The following USP10 variants were observed in gnomAD, a reference collection of about 807,000 sequenced individuals.
USP10 encodes ubiquitin specific peptidase 10.
Under a neutral mutation model 84.5 loss-of-function variants are expected in USP10, and 22 were observed. That is an observed-to-expected ratio of 0.26 (90% CI 0.19 to 0.37). The LOEUF is 0.37. Among genes scored for constraint, USP10 ranks in the 10% least tolerant of loss-of-function variants. The pLI is 1.00. For missense variants in USP10, 1,019 were observed against 998.9 expected, an observed-to-expected ratio of 1.02 and a Z score of -0.27; for synonymous variants, 454 against 387.6, an observed-to-expected ratio of 1.17 and a Z score of -2.01.
chr16:84,742,636 T>G (rs1567620069), intron 3 of USP10, among the ~76,000 whole-genome samples: 2 of 152,218 alleles, frequency 1.3e-5, no homozygotes, highest in African/African-American at 4.8e-5. Context: ...ATTGGGTTGT[T>G]GAAGCCAAGC....
chr16:84,714,039 C>G (rs2150766897), intron 1 of USP10, among the ~76,000 whole-genome samples: 1 of 152,304 alleles, frequency 6.6e-6, no homozygotes, highest in South Asian at 2.1e-4. Flanking sequence ...AAAGGCTTTT[C>G]CTGGGCACCA....
chr16:84,761,941 AC>A (rs1365598879), intron 8 of USP10, among the ~76,000 whole-genome samples: 4 of 152,232 alleles, frequency 2.6e-5, no homozygotes, highest in Admixed American at 1.3e-4. Flanking sequence ...GCATGCACTC[AC>A]GTGAACAGCT....
chr16:84,747,442 A>G (rs1911363089), intron 4 of USP10, among the ~76,000 whole-genome samples: 2 of 152,128 alleles, frequency 1.3e-5, no homozygotes, highest in African/African-American at 4.8e-5. Flanking sequence ...TATTCCTTAT[A>G]CAAAATACAT....
chr16:84,741,562 G>C (rs1003280301), intron 3 of USP10, among the ~76,000 whole-genome samples: 1 of 152,156 alleles, frequency 6.6e-6, no homozygotes, highest in Non-Finnish European at 1.5e-5. Context: ...AGCTCCCCCA[G>C]CCTCTGGAGT....
intron 1 of USP10, among the ~76,000 whole-genome samples, chr16:84,714,045 C>T (rs1174686396): frequency 6.6e-6 from 1 of 152,176 alleles, no homozygotes; most frequent in Non-Finnish European, 1.5e-5. Context: ...TTTTCCTGGG[C>T]ACCAGAATAG....
At chr16:84,729,671 C>G (rs775586782) in intron 1 of USP10, among the ~76,000 whole-genome samples, 1 of 152,180 alleles carries the variant, frequency 6.6e-6, no homozygotes, top group East Asian at 1.9e-4. Flanking sequence ...TCGAAAGGAC[C>G]GGTTTTAAAT....
intron 12 of USP10, among the ~76,000 whole-genome samples, chr16:84,774,497 T>TTCTTAGAGACAGAG (rs77818365): frequency 6.7e-6 from 1 of 150,226 alleles, no homozygotes; most frequent in Admixed American, 6.6e-5. Flanking sequence ...GTTTGTTTTT[T>TTCTTAGAGACAGAG]TCTTGCTCTG....
At chr16:84,772,053 C>G (rs1237195246) in intron 11 of USP10, among the ~76,000 whole-genome samples, 1 of 152,000 alleles carries the variant, frequency 6.6e-6, no homozygotes. Context: ...TTTTCTTCTT[C>G]TTTTTTCTTT....
chr16:84,759,613 G>A (rs116479287), intron 6 of USP10, 141 bp downstream of exon 6: 30 of 798,184 alleles, frequency 3.8e-5, no homozygotes, highest in Middle Eastern at 2.3e-4. Flanking sequence ...GACTGTTGGC[G>A]ATTTTATATG....
Position 84,740,385 on chromosome 16 carries a change from C to G in USP10, c.151+16C>G, listed in dbSNP as rs555167946. The G allele has an allele frequency of 1.9e-6, 3 of 1,608,948 alleles. No individual in the cohort carries two copies. The highest frequency in any genetic ancestry group is 2.5e-6 in the Non-Finnish European group (3 of 1,176,704). ...CTACCTGATGGTAAGCTAGTTCTCTCCTTATTTCCCTGAAGGGAATTTGGC... is the reference window on the plus strand; with the variant it reads ...CTACCTGATGGTAAGCTAGTTCTCTGCTTATTTCCCTGAAGGGAATTTGGC... On this transcript the variant is annotated intron_variant, in intron 3 of 13. Coordinates refer to ENST00000219473, the MANE Select transcript of USP10 (RefSeq NM_005153.3).
At chr16:84,768,769 G>A (rs1033454851) in intron 11 of USP10, among the ~76,000 whole-genome samples, 5 of 152,310 alleles carry the variant, frequency 3.3e-5, no homozygotes, top group Middle Eastern at 3.4e-3. Flanking sequence ...GCATTTGATT[G>A]TAGATCTTCC....
intron 1 of USP10, among the ~76,000 whole-genome samples, chr16:84,716,036 GAGGGTGGTATGCCAAGC>G (rs1371660114): frequency 1.3e-5 from 2 of 152,156 alleles, no homozygotes; most frequent in African/African-American, 4.8e-5. Context: ...CTGTGGCGAG[GAGGGTGGTATGCCAAGC>G]AGGGCTCCCA....
chr16:84,764,381 G>C (rs1341413644), intron 10 of USP10, 118 bp downstream of exon 10: 1 of 1,360,798 alleles, frequency 7.3e-7, no homozygotes, highest in Admixed American at 1.9e-5. Flanking sequence ...TTTGCATCTT[G>C]CTCCCCTGCC....
intron 1 of USP10, among the ~76,000 whole-genome samples, chr16:84,702,995 A>AAAAAAAAAAAAAAAAAC (rs1905086400): frequency 6.8e-6 from 1 of 147,462 alleles, no homozygotes; most frequent in African/African-American, 2.5e-5. Flanking sequence ...TCCCGTCTCA[A>AAAAAAAAAAAAAAAAAC]AAAAAAAAAA....
At chr16:84,731,701 CTGTTGAG>C (rs1909259428) in intron 1 of USP10, among the ~76,000 whole-genome samples, 1 of 152,022 alleles carries the variant, frequency 6.6e-6, no homozygotes, top group Non-Finnish European at 1.5e-5. Context: ...TTAAGACGTT[CTGTTGAG>C]TTTTTTAATT....
At chr16:84,725,522 T>C (rs1908344488) in intron 1 of USP10, among the ~76,000 whole-genome samples, 1 of 152,214 alleles carries the variant, frequency 6.6e-6, no homozygotes, top group African/African-American at 2.4e-5. Flanking sequence ...TGCCTCAGCC[T>C]CCTGAGTAGC....
intron 1 of USP10, among the ~76,000 whole-genome samples, chr16:84,701,481 A>G (rs1904850865): frequency 6.6e-6 from 1 of 152,246 alleles, no homozygotes; most frequent in African/African-American, 2.4e-5. Context: ...TTCTGTTAAA[A>G]AAAAAGATTT....
At position 84,760,224 on chromosome 16, in the gene USP10, C is replaced by T. The variant is rs766329393; in HGVS notation, c.1503C>T (p.Pro501=). 1 of 1,611,286 alleles carries T rather than the reference C, an allele frequency of 6.2e-7. No homozygotes were observed. The highest frequency in any genetic ancestry group is 1.1e-5 in the South Asian group (1 of 90,356). The change falls in exon 8 of 14, where the codon CCC becomes CCT. Residue 501 remains proline, a synonymous_variant. Coordinates refer to ENST00000219473, the MANE Select transcript of USP10 (RefSeq NM_005153.3). The part of the protein sequence containing the change: ...RDIRPGAAFE[P]TYIYRLLTVN... ...TTCGCCCTGGAGCTGCCTTTGAGCC[C>T]ACATATATTTACAGACTCCTGACAG... is the stretch of plus-strand genomic sequence containing the variant.
chr16:84,731,006 A>T (rs1395150719), intron 1 of USP10, among the ~76,000 whole-genome samples: 2 of 127,194 alleles, frequency 1.6e-5, no homozygotes, highest in Non-Finnish European at 3.2e-5. Context: ...TTTGACACGG[A>T]ATCTCTCTCT....
Sources: gnomAD v4.1 joint callset for allele counts (sites outside exome capture counted in the v4.1 genomes callset) on GRCh38, gnomAD v4.1.1 for gene constraint, MANE v1.5 for transcripts, NCBI Gene and HGNC (gene_info 2026-07-23, HGNC 2026-07-21) for gene names.